FAF1: variants seen among roughly 807,000 people sequenced by gnomAD.
FAF1 encodes the protein FAS-associated factor 1.
A neutral mutation model predicts 92.5 loss-of-function variants in FAF1; 25 were observed. The observed-to-expected ratio is 0.27, with a 90% CI of 0.20 to 0.38. The LOEUF is 0.38. Ranked by LOEUF, FAF1 falls within the 10% of genes least tolerant of loss-of-function variation. FAF1 has a pLI of 1.00. For synonymous variants in FAF1, 234 were observed against 273.2 expected (o/e 0.86, Z 1.42); for missense variants, 636 against 793.3 (o/e 0.80, Z 2.38).
chr1:50,806,488 A>G (rs1167246057), intron 2 of FAF1, among the ~76,000 whole-genome samples: 1 of 152,232 alleles, frequency 6.6e-6, no homozygotes. Context: ...AGCACATACC[A>G]CAGCCCTGCT....
chr1:50,566,502 C>T (rs1650179882), intron 13 of FAF1, among the ~76,000 whole-genome samples: 3 of 151,998 alleles, frequency 2.0e-5, no homozygotes, highest in South Asian at 4.1e-4. Flanking sequence ...CTTGAAGATA[C>T]TATGATTAAC....
At chr1:50,788,447 A>G (rs1399035556) in intron 3 of FAF1, among the ~76,000 whole-genome samples, 3 of 152,150 alleles carry the variant, frequency 2.0e-5, no homozygotes, top group African/African-American at 4.8e-5. Flanking sequence ...ATCATTTAGC[A>G]TTTAATCAGA....
At position 50,608,650 on chromosome 1, in the gene FAF1, C is replaced by A. The variant is rs534738847; in HGVS notation, c.745-12434G>T. ...AAGGAGAAGTCCTACCCCAAAATGT[C>A]TCCCCCTATCTCTCAAATCATTTGT... On this transcript the variant is annotated intron_variant, in intron 8 of 18. Coordinates refer to ENST00000396153, the MANE Select transcript of FAF1 (RefSeq NM_007051.3). Among the ~76,000 whole-genome samples, 9 of 152,330 alleles carry A rather than the reference C, an allele frequency of 5.9e-5. No homozygotes were observed. The South Asian group carries it at 1.9e-3, about 32-fold the overall frequency.
At chr1:50,936,696 A>T (rs1201816164) in intron 1 of FAF1, among the ~76,000 whole-genome samples, 4 of 152,212 alleles carry the variant, frequency 2.6e-5, no homozygotes, top group African/African-American at 9.6e-5. Context: ...TTTAATGGAT[A>T]GTGAAAACCA....
chr1:50,716,846 A>G (rs1009075245), intron 6 of FAF1, among the ~76,000 whole-genome samples: 1 of 152,240 alleles, frequency 6.6e-6, no homozygotes, highest in Admixed American at 6.5e-5. Context: ...CCCAGCCAGC[A>G]GTGGCGACCC....
intron 1 of FAF1, among the ~76,000 whole-genome samples, chr1:50,906,155 T>C (rs1465258667): frequency 6.6e-6 from 1 of 152,208 alleles, no homozygotes; most frequent in Non-Finnish European, 1.5e-5. Flanking sequence ...CCATTTCTTG[T>C]TTTTATCAGG....
At chr1:50,920,832 T>G (rs994698778) in intron 1 of FAF1, among the ~76,000 whole-genome samples, 1 of 152,166 alleles carries the variant, frequency 6.6e-6, no homozygotes. Context: ...GACTGAATAT[T>G]TATCCCTAAG....
intron 7 of FAF1, among the ~76,000 whole-genome samples, chr1:50,687,793 T>C (rs1440574981): frequency 6.7e-6 from 1 of 149,834 alleles, no homozygotes; most frequent in African/African-American, 2.5e-5. Context: ...ATTACAAAAA[T>C]GCAAGCCAGA....
intron 18 of FAF1, among the ~76,000 whole-genome samples, chr1:50,450,431 T>C (rs1184070476): frequency 1.3e-5 from 2 of 152,218 alleles, no homozygotes; most frequent in Non-Finnish European, 2.9e-5. Context: ...TTCCAGCCTA[T>C]ATCCAGTCAT....
intron 13 of FAF1, among the ~76,000 whole-genome samples, chr1:50,548,975 TTTTC>T: frequency 6.6e-6 from 1 of 152,348 alleles, no homozygotes; most frequent in East Asian, 1.9e-4. Flanking sequence ...TTCTACTTGT[TTTTC>T]TTTCTTTTTG....
chr1:50,679,655 A>G (rs1243768977), intron 7 of FAF1, among the ~76,000 whole-genome samples: 2 of 152,204 alleles, frequency 1.3e-5, no homozygotes, highest in Non-Finnish European at 2.9e-5. Flanking sequence ...CCTGAATCTC[A>G]CTAGCCACAT....
intron 4 of FAF1, among the ~76,000 whole-genome samples, chr1:50,768,082 A>G (rs2124540989): frequency 6.6e-6 from 1 of 152,346 alleles, no homozygotes; most frequent in Non-Finnish European, 1.5e-5. Flanking sequence ...CCACTGGCTA[A>G]AAGTAAAGGG....
At chr1:50,939,494 T>C (rs796950578) in intron 1 of FAF1, among the ~76,000 whole-genome samples, 16 of 152,306 alleles carry the variant, frequency 1.1e-4, no homozygotes, top group African/African-American at 3.6e-4. Flanking sequence ...TAGGTATAGT[T>C]TGACTTTTTC....
rs549390057 is a variant in FAF1, at chr1:50,907,762, TTC to T, written c.46-49767_46-49766del. Among the ~76,000 whole-genome samples the T allele has an allele frequency of 1.4e-4, 22 of 152,304 alleles. No individual in the cohort carries two copies. In the South Asian group the frequency reaches 4.6e-3, roughly 32 times the overall value. On this transcript the variant is annotated intron_variant, in intron 1 of 18. Transcript: ENST00000396153. ...ATTTTTTATTGCATCTATTTGATTC[TTC>T]TCTCTTTTCTTCTTTATTAGTCCTG...
intron 13 of FAF1, among the ~76,000 whole-genome samples, chr1:50,544,565 ATTT>A (rs1039751640): frequency 6.6e-6 from 1 of 152,234 alleles, no homozygotes; most frequent in Non-Finnish European, 1.5e-5. Context: ...TCATAAAAAT[ATTT>A]TGGGCAATGA....
At chr1:50,470,772 C>G (rs1248555326) in intron 18 of FAF1, 2 of 152,216 alleles carry the variant, frequency 1.3e-5, no homozygotes, top group Non-Finnish European at 2.9e-5. Context: ...AGTAAGTTGT[C>G]CAATGTTCAG....
At chr1:50,558,230 T>C (rs961031270) in intron 13 of FAF1, among the ~76,000 whole-genome samples, 3 of 152,024 alleles carry the variant, frequency 2.0e-5, no homozygotes, top group African/African-American at 7.3e-5. Context: ...AAGATATTTA[T>C]CTTATTTTTA....
rs140027012 is a variant in FAF1, at chr1:50,738,885, G to A, written c.529C>T (p.Pro177Ser). ...TACCCAGCATGACTAGATGATGAAG[G>A]TGGTGGCAAATCTGGTGTAAGGACA... ...LYVLTPDLPPPSSSSHAGALQ... is the reference protein window; with the variant it reads ...LYVLTPDLPPSSSSSHAGALQ... Residue 177 changes from proline to serine, a missense_variant, in exon 6 of 19, where the codon CCT becomes TCT. Pro to Ser is a moderately conservative substitution (Grantham distance 74). Coordinates refer to ENST00000396153, the MANE Select transcript of FAF1 (RefSeq NM_007051.3). 2.4e-3 allele frequency: 3,883 copies of A among 1,607,490 alleles called. 9 individuals are homozygous for A. Among genetic ancestry groups the A allele is most frequent in the Non-Finnish European group, 2.9e-3 (3,377 of 1,175,458 alleles).
intron 1 of FAF1, 136 bp downstream of exon 1, chr1:50,959,630 CA>C (rs1645298963): frequency 5.1e-6 from 3 of 584,110 alleles, no homozygotes; most frequent in Non-Finnish European, 9.1e-6. Context: ...GCCACACACA[CA>C]CACACACGCC....
Sources: allele counts gnomAD v4.1 joint callset (sites outside exome capture counted in the v4.1 genomes callset), GRCh38; gene constraint gnomAD v4.1.1; transcripts MANE v1.5; gene names NCBI Gene and HGNC (gene_info 2026-07-23, HGNC 2026-07-21).